Variants in CACNA2D3 observed in about 807,000 individuals in gnomAD.
CACNA2D3 encodes the protein calcium voltage-gated channel auxiliary subunit alpha2delta 3, also known as voltage-dependent calcium channel subunit alpha-2/delta-3.
A neutral mutation model predicts 160.6 loss-of-function variants in CACNA2D3; 60 were observed. That is an observed-to-expected ratio of 0.37 (90% CI 0.30 to 0.46). The LOEUF (loss-of-function observed/expected upper bound fraction) is 0.46, where lower values mean the gene tolerates loss of function less well. Among genes scored for constraint, CACNA2D3 ranks in the 20% least tolerant of loss-of-function variants. The pLI, the probability that CACNA2D3 is intolerant of heterozygous loss-of-function variation, is 1.00. For synonymous variants in CACNA2D3, 558 were observed against 492.9 expected, an observed-to-expected ratio of 1.13 and a Z score of -1.75; for missense variants, 1,205 against 1,365.0, an observed-to-expected ratio of 0.88 and a Z score of 1.85.
At chr3:54,956,334 C>T (rs916368573) in intron 27 of CACNA2D3, among the ~76,000 whole-genome samples, 15 of 152,158 alleles carry the variant, frequency 9.9e-5, no homozygotes, top group Admixed American at 4.6e-4. Flanking sequence ...TTGGAGATTC[C>T]GGGAAAAGAA....
intron 14 of CACNA2D3, among the ~76,000 whole-genome samples, chr3:54,820,839 A>G (rs1413726636): frequency 2.0e-5 from 3 of 152,202 alleles, no homozygotes; most frequent in Admixed American, 2.0e-4. Flanking sequence ...CCATTTACAA[A>G]TATATGTTCA....
rs141783492 is a variant in CACNA2D3 at position 54,551,285 on chromosome 3, G to A, written c.545-11515G>A. On this transcript the variant is annotated intron_variant, in intron 5 of 37. Coordinates refer to ENST00000474759, the MANE Select transcript of CACNA2D3 (RefSeq NM_018398.3). ...TGTGCACTCCACTAGGTCAAAGGCC[G>A]TGTCTGGTTTTGCCCACTGTTTTGT... 3.9e-5 allele frequency among the ~76,000 whole-genome samples: 6 copies of A among 152,290 alleles called. No individual in the cohort carries two copies. In the South Asian group the frequency reaches 6.2e-4, roughly 16 times the overall value.
At chr3:54,134,433 C>T (rs1246133061) in intron 2 of CACNA2D3, among the ~76,000 whole-genome samples, 1 of 152,192 alleles carries the variant, frequency 6.6e-6, no homozygotes, top group Non-Finnish European at 1.5e-5. Context: ...ATGTGGCCAG[C>T]ACGAAGGTAC....
intron 11 of CACNA2D3, among the ~76,000 whole-genome samples, chr3:54,735,748 G>A (rs1701483439): frequency 6.6e-6 from 1 of 151,682 alleles, no homozygotes; most frequent in African/African-American, 2.4e-5. Context: ...TAGTACCTCA[G>A]AGCTGCACAG....
intron 2 of CACNA2D3, among the ~76,000 whole-genome samples, chr3:54,199,426 T>G (rs1198687940): frequency 6.6e-6 from 1 of 152,116 alleles, no homozygotes; most frequent in Non-Finnish European, 1.5e-5. Flanking sequence ...TGCAGTGGTG[T>G]GGTCTTGGAT....
chr3:54,200,859 TA>T (rs1446261326), intron 2 of CACNA2D3, among the ~76,000 whole-genome samples: 3 of 152,228 alleles, frequency 2.0e-5, no homozygotes, highest in Admixed American at 1.3e-4. Context: ...CTTTGGAAAA[TA>T]GGAACTTTTT....
chr3:54,760,161 G>A (rs1575461483), intron 12 of CACNA2D3, among the ~76,000 whole-genome samples: 1 of 152,184 alleles, frequency 6.6e-6, no homozygotes, highest in African/African-American at 2.4e-5. Flanking sequence ...ATCCAATGAT[G>A]GATGAGTCCT....
chr3:54,475,834 T>TGTGTGTGTGTGTGA (rs1700820611), intron 4 of CACNA2D3, among the ~76,000 whole-genome samples: 1 of 151,570 alleles, frequency 6.6e-6, no homozygotes, highest in Admixed American at 6.6e-5. Flanking sequence ...TGTGTGTGTG[T>TGTGTGTGTGTGTGA]GTGACAGAGA....
intron 2 of CACNA2D3, among the ~76,000 whole-genome samples, chr3:54,293,191 TA>T (rs1575375834): frequency 6.6e-6 from 1 of 152,240 alleles, no homozygotes; most frequent in East Asian, 1.9e-4. Context: ...AATGGGGTAT[TA>T]TTTTTTTATT....
At chr3:54,968,422 G>T in intron 27 of CACNA2D3, 28 bp from the exon 28 acceptor site, 1 of 1,511,880 alleles carries the variant, frequency 6.6e-7, no homozygotes, top group East Asian at 2.3e-5. Context: ...GATCACTAAT[G>T]CCTTGTTTTA....
intron 13 of CACNA2D3, among the ~76,000 whole-genome samples, chr3:54,778,792 A>G (rs1702473976): frequency 2.0e-5 from 3 of 152,176 alleles, no homozygotes; most frequent in African/African-American, 7.2e-5. Context: ...TCTAGCTGTT[A>G]GATAAGAATG....
chr3:54,687,121 C>CTTTTTCTTTTTCTTTTTCTTTCT, intron 11 of CACNA2D3, among the ~76,000 whole-genome samples: 1 of 94,934 alleles, frequency 1.1e-5, no homozygotes, highest in African/African-American at 4.0e-5. Flanking sequence ...TTTTCTTTTT[C>CTTTTTCTTTTTCTTTTTCTTTCT]TTTTTTTTTT....
At chr3:54,231,857 G>C (rs1362787142) in intron 2 of CACNA2D3, among the ~76,000 whole-genome samples, 1 of 152,178 alleles carries the variant, frequency 6.6e-6, no homozygotes, top group East Asian at 1.9e-4. Context: ...GTGAATGGAA[G>C]GGGGGTGGTC....
chr3:54,787,317 T>C (rs1469038332), intron 13 of CACNA2D3, among the ~76,000 whole-genome samples: 11 of 152,224 alleles, frequency 7.2e-5, no homozygotes, highest in Admixed American at 6.5e-4. Context: ...CCCCCTCATA[T>C]ATTAATTTAG....
chr3:54,246,931 A>G (rs1702092636), intron 2 of CACNA2D3, among the ~76,000 whole-genome samples: 1 of 152,212 alleles, frequency 6.6e-6, no homozygotes, highest in African/African-American at 2.4e-5. Flanking sequence ...ACACCACACA[A>G]AGACAAAGTA....
At chr3:54,905,724 G>A (rs1363237680) in intron 27 of CACNA2D3, among the ~76,000 whole-genome samples, 2 of 152,146 alleles carry the variant, frequency 1.3e-5, no homozygotes, top group Non-Finnish European at 2.9e-5. Flanking sequence ...GGTCAGGAAT[G>A]GTGCTAAACA....
chr3:54,599,168 G>A (rs928226221), intron 9 of CACNA2D3, among the ~76,000 whole-genome samples: 2 of 152,102 alleles, frequency 1.3e-5, no homozygotes, highest in Non-Finnish European at 2.9e-5. Flanking sequence ...ATATAGTCAC[G>A]CCATCCCCTT....
chr3:54,463,160 G>C (rs1340340537), intron 4 of CACNA2D3, among the ~76,000 whole-genome samples: 13 of 151,724 alleles, frequency 8.6e-5, no homozygotes, highest in African/African-American at 2.7e-4. Context: ...TAGTCTGATG[G>C]GCTTCCCTTT....
rs535189797 is a variant in CACNA2D3 at position 54,659,380 on chromosome 3, C to G, written c.1167+17139C>G. 6.6e-5 allele frequency among the ~76,000 whole-genome samples: 10 copies of G among 152,290 alleles called. No individual in the cohort carries two copies. In the East Asian group the frequency reaches 1.9e-3, roughly 29 times the overall value. On this transcript the variant is annotated intron_variant, in intron 11 of 37. Transcript: ENST00000474759. ...CATCACTTCATTGATACTCCCAGCA[C>G]TTTTATGATACAGATATTTATAGTA...
Sources: gnomAD v4.1 joint callset for allele counts (sites outside exome capture counted in the v4.1 genomes callset) on GRCh38, gnomAD v4.1.1 for gene constraint, MANE v1.5 for transcripts, NCBI Gene and HGNC (gene_info 2026-07-23, HGNC 2026-07-21) for gene names.